Variants in TLE2 observed in about 807,000 individuals in gnomAD.
TLE2 encodes the protein TLE family member 2, transcriptional corepressor.
Under a neutral mutation model 97.2 loss-of-function variants are expected in TLE2, and 74 were observed. The ratio of observed to expected loss-of-function variants is 0.76; its 90% CI spans 0.63 to 0.92. The LOEUF (loss-of-function observed/expected upper bound fraction) is 0.92. Among genes scored for constraint, TLE2 ranks in the 40% least tolerant of loss-of-function variants. The pLI is 0.00. For synonymous variants in TLE2, 499 were observed against 432.1 expected (o/e 1.15, Z -1.92); for missense variants, 1,038 against 1,008.7 (o/e 1.03, Z -0.39).
At position 3,006,368 on chromosome 19, in the gene TLE2, A is replaced by T. The variant is rs556732761; in HGVS notation, c.1500+52T>A. On this transcript the variant is annotated intron_variant, in intron 15 of 19. Transcript: ENST00000262953. ...TGCGAACACCGCCCCATTGGAACAT[A>T]AGCCCCACCCCTCACCTGTGAGTCC... 50 of 1,580,648 alleles carry T rather than the reference A, an allele frequency of 3.2e-5. No homozygotes were observed. In the East Asian group the frequency reaches 8.3e-4, roughly 26 times the overall value.
Position 2,998,012 on chromosome 19 carries a change from G to C in TLE2, c.2125-57C>G, listed in dbSNP as rs539047567. On this transcript the variant is annotated intron_variant, in intron 19 of 19. Transcript: ENST00000262953. ...AGTGAGGCATGGTCCCCACAGATGG[G>C]TGTGTGGGCAAGGCTGGGGCGGAGT... 375 of 1,287,886 alleles carry C rather than the reference G, an allele frequency of 2.9e-4. 5 individuals carry two copies. The South Asian group carries it at 4.5e-3, about 15-fold the overall frequency. The allele number at this position is 1,287,886 out of a possible 1,614,324, so 79.8% of individuals were successfully genotyped here.
At position 3,019,202 on chromosome 19, in the gene TLE2, T is replaced by C; in HGVS notation, c.550+81A>G. The stretch of plus-strand genomic sequence containing the variant: ...CATGAGCCACTTCATCCCCTCACGC[T>C]GATGTTTGCTACCCTGGACTGCCAG... On this transcript the variant is annotated intron_variant, in intron 7 of 19. Transcript: ENST00000262953. This position sits in a 1 kb window ranked among gnomAD's most constrained non-coding sequence, Gnocchi z 5.1. 1 of 1,511,264 alleles carries C rather than the reference T, an allele frequency of 6.6e-7. No homozygotes were observed. The highest frequency in any genetic ancestry group is 8.8e-7 in the Non-Finnish European group (1 of 1,130,430). 93.6% of individuals were successfully genotyped at this position (1,511,264 alleles called of 1,614,324 possible).
chr19:3,042,994 T>C (rs898825063), intron 1 of TLE2, among the ~76,000 whole-genome samples: 2 of 152,138 alleles, frequency 1.3e-5, no homozygotes, highest in South Asian at 2.1e-4. Flanking sequence ...ATTTATTTTT[T>C]ATTTTTTAGA....
At chr19:3,017,369 C>T (rs2089731992) in intron 8 of TLE2, among the ~76,000 whole-genome samples, 1 of 151,474 alleles carries the variant, frequency 6.6e-6, no homozygotes, top group South Asian at 2.1e-4. Flanking sequence ...AACTCCTGGC[C>T]TCAAGTGATC....
chr19:3,005,229 C>T (rs2089447474), intron 17 of TLE2, among the ~76,000 whole-genome samples: 1 of 152,104 alleles, frequency 6.6e-6, no homozygotes, highest in African/African-American at 2.4e-5. Context: ...CCACAGCTTC[C>T]TATGAATCAG....
rs746239008 is a variant in TLE2 at position 3,013,781 on chromosome 19, G to A, written c.761C>T (p.Pro254Leu). 1.3e-6 allele frequency: 2 copies of A among 1,560,304 alleles called. No individual in the cohort carries two copies. Among genetic ancestry groups the A allele is most frequent in the Admixed American group, 1.9e-5 (1 of 51,710 alleles). ...PSEPPSPATT[P>L]CGKVPICIPA... The stretch of plus-strand genomic sequence containing the variant: ...AATGCAGATGGGTACCTTTCCGCAG[G>A]GGGTGGTAGCCGGGCTGGGGGGCTC... Residue 254 changes from proline (P) to leucine (L), a missense_variant, in exon 11 of 20, where the codon CCC becomes CTC. By Grantham distance (98) the Pro-to-Leu change is moderately conservative. Coordinates refer to ENST00000262953, the MANE Select transcript of TLE2 (RefSeq NM_003260.5).
chr19:3,037,844 G>A (rs904203118), intron 1 of TLE2, among the ~76,000 whole-genome samples: 2 of 152,124 alleles, frequency 1.3e-5, no homozygotes, highest in African/African-American at 2.4e-5. Context: ...ATAGTAGGCC[G>A]GGTGCAGTGG....
chr19:3,000,408 G>A (rs2089330374), intron 19 of TLE2, among the ~76,000 whole-genome samples: 1 of 152,056 alleles, frequency 6.6e-6, no homozygotes, highest in South Asian at 2.1e-4. Context: ...TTATATGCAT[G>A]TTACTGCAAC....
Position 3,014,586 on chromosome 19 carries a change from T to G in TLE2, c.707A>C (p.Asn236Thr), listed in dbSNP as rs1178870460. Reference sequence around the variant, plus strand: ...TGGACTCACCTCGTCCACCACCAGATTGTAATCACTCTTGTCTTCGTCGCT... The same window carrying G: ...TGGACTCACCTCGTCCACCACCAGAGTGTAATCACTCTTGTCTTCGTCGCT... ...YESDEDKSDY[N>T]LVVDEDQPSE... Residue 236 changes from asparagine to threonine, a missense_variant, in exon 10 of 20, where the codon AAT (asparagine) becomes ACT (threonine). Physicochemically the swap from Asn to Thr is moderately conservative, Grantham distance 65. Coordinates refer to ENST00000262953, the MANE Select transcript of TLE2 (RefSeq NM_003260.5). The G allele has an allele frequency of 6.3e-7, 1 of 1,589,768 alleles. No homozygotes were observed. Among genetic ancestry groups the G allele is most frequent in the African/African-American group, 1.4e-5 (1 of 73,788 alleles).
intron 1 of TLE2, among the ~76,000 whole-genome samples, chr19:3,035,306 G>A (rs1392368771): frequency 1.3e-5 from 2 of 152,158 alleles, no homozygotes; most frequent in Non-Finnish European, 2.9e-5. Flanking sequence ...AAGCAGGGAA[G>A]CAACCTGCCA....
chr19:3,032,344 T>TC (rs1860471219), upstream of TLE2, among the ~76,000 whole-genome samples: 2 of 152,024 alleles, frequency 1.3e-5, no homozygotes, highest in Non-Finnish European at 2.9e-5. This position sits in a 1 kb window ranked among gnomAD's most constrained non-coding sequence, Gnocchi z 4.1. Flanking sequence ...CTCAGGTGAT[T>TC]CTCCTGCCTC....
chr19:3,019,974 A>C lies in TLE2; in HGVS notation c.295-201T>G. On this transcript the variant is annotated intron_variant, in intron 5 of 19. Transcript: ENST00000262953. This position sits in a 1 kb window ranked among gnomAD's most constrained non-coding sequence, Gnocchi z 5.1. ...GCACACGGAGAAAGAAACCAAACCT[A>C]AGTGCAGGTAGAATAGTTACAAATC... is the stretch of plus-strand genomic sequence containing the variant. The C allele has an allele frequency of 1.4e-6, 1 of 697,288 alleles. No homozygotes were observed. Among genetic ancestry groups the C allele is most frequent in the Non-Finnish European group, 2.3e-6 (1 of 425,580 alleles). The allele number at this position is 697,288 out of a possible 1,614,324, so 43.2% of individuals were successfully genotyped here. A position where few individuals can be genotyped will look rare whatever the true frequency, so the allele number is the denominator to read the frequency against.
intron 7 of TLE2, among the ~76,000 whole-genome samples, chr19:3,018,660 GC>G (rs2089768479): frequency 1.4e-5 from 2 of 146,196 alleles, no homozygotes; most frequent in African/African-American, 5.1e-5. Flanking sequence ...TCTCACTCAG[GC>G]TGGAGTACAG....
In TLE2 at chr19:3,028,318, C is replaced by T; in HGVS notation, c.186+1G>A. Reference sequence around the variant, plus strand: ...CACCCTGGCATCATAAGTGCCCTCACCATGACATAATGTCGCTGCATTTCC... The same window carrying T: ...CACCCTGGCATCATAAGTGCCCTCATCATGACATAATGTCGCTGCATTTCC... On this transcript the variant is annotated splice_donor_variant, in intron 3 of 19. Coordinates refer to ENST00000262953, the MANE Select transcript of TLE2 (RefSeq NM_003260.5). LOFTEE classifies it high-confidence loss of function. 2 of 1,607,830 alleles carry T rather than the reference C, an allele frequency of 1.2e-6. No individual in the cohort carries two copies. Among genetic ancestry groups the T allele is most frequent in the Non-Finnish European group, 1.7e-6 (2 of 1,177,052 alleles).
intron 1 of TLE2, among the ~76,000 whole-genome samples, chr19:3,041,844 C>G (rs963852776): frequency 2.0e-5 from 3 of 152,188 alleles, no homozygotes; most frequent in African/African-American, 7.2e-5. Context: ...TGGGGGCAGC[C>G]AGGCCCAGAG....
At chr19:3,018,280 T>C (rs944662734) in intron 7 of TLE2, among the ~76,000 whole-genome samples, 12 of 151,524 alleles carry the variant, frequency 7.9e-5, no homozygotes, top group Admixed American at 2.0e-4. Context: ...TCCAGGGGCA[T>C]GCCACCATGC....
upstream of TLE2, among the ~76,000 whole-genome samples, chr19:3,030,309 G>C (rs150460487): frequency 6.6e-6 from 1 of 152,152 alleles, no homozygotes. Context: ...TCTCTCCCAC[G>C]GCAAAGGCTC....
upstream of TLE2, among the ~76,000 whole-genome samples, chr19:3,046,906 C>CCTCCCTCTCCTCCTCCCCCTCCT (rs1489129767): frequency 7.2e-6 from 1 of 139,500 alleles, no homozygotes; most frequent in African/African-American, 2.6e-5. Flanking sequence ...GCCTCCCCCT[C>CCTCCCTCTCCTCCTCCCCCTCCT]CTCCCTCTCC....
intron 4 of TLE2, 47 bp from the exon 5 acceptor site, chr19:3,025,129 C>A (rs761624032): frequency 6.5e-7 from 1 of 1,543,968 alleles, no homozygotes. Context: ...TAGAGATTTG[C>A]AACCCAGCTC....
Sources: gnomAD v4.1 joint callset for allele counts (sites outside exome capture counted in the v4.1 genomes callset) on GRCh38, gnomAD v4.1.1 for gene constraint, Gnocchi (gnomAD v3.1) non-coding constraint, MANE v1.5 for transcripts, NCBI Gene and HGNC (gene_info 2026-07-23, HGNC 2026-07-21) for gene names.